The following KCNQ5 variants were observed in gnomAD, a reference collection of about 807,000 sequenced individuals.
KCNQ5 encodes the protein potassium voltage-gated channel subfamily KQT member 5.
A neutral mutation model predicts 98.2 loss-of-function variants in KCNQ5; 30 were observed. The observed-to-expected ratio is 0.31, with a 90% CI of 0.23 to 0.41. The LOEUF is 0.41. KCNQ5 is among the 10% of genes least tolerant of loss of function. The pLI, the probability that KCNQ5 is intolerant of heterozygous loss-of-function variation, is 1.00. For missense variants in KCNQ5, 835 were observed against 1,182.5 expected, an observed-to-expected ratio of 0.71 and a Z score of 4.31; for synonymous variants, 458 against 449.4, an observed-to-expected ratio of 1.02 and a Z score of -0.24.
intron 7 of KCNQ5, among the ~76,000 whole-genome samples, chr6:73,116,221 A>T (rs1391555892): frequency 6.6e-6 from 1 of 152,208 alleles, no homozygotes; most frequent in Non-Finnish European, 1.5e-5. Flanking sequence ...AACTTAGCTA[A>T]GAATTGTGAT....
intron 1 of KCNQ5, among the ~76,000 whole-genome samples, chr6:72,820,412 T>C (rs1329840038): frequency 1.3e-5 from 2 of 152,030 alleles, no homozygotes; most frequent in East Asian, 3.8e-4. Flanking sequence ...GCAGGCAGGG[T>C]GAAATATTGA....
In KCNQ5 at chr6:72,716,597, T is replaced by C. The variant is rs542244106; in HGVS notation, c.398+94010T>C. On this transcript the variant is annotated intron_variant, in intron 1 of 13. Coordinates refer to ENST00000370398, the MANE Select transcript of KCNQ5 (RefSeq NM_019842.4). ...TGGGTACCATATTTTGTACAGAAGATTGAATTTTTTCTTTTTACACAGGTA... is the reference window on the plus strand; with the variant it reads ...TGGGTACCATATTTTGTACAGAAGACTGAATTTTTTCTTTTTACACAGGTA... 2.4e-3 allele frequency among the ~76,000 whole-genome samples: 366 copies of C among 152,334 alleles called. 2 individuals carry two copies. Among genetic ancestry groups the C allele is most frequent in the African/African-American group, 8.4e-3 (351 of 41,588 alleles).
chr6:72,696,586 C>A (rs1768514871), intron 1 of KCNQ5, among the ~76,000 whole-genome samples: 1 of 151,832 alleles, frequency 6.6e-6, no homozygotes, highest in African/African-American at 2.4e-5. Flanking sequence ...TGCTGAGTGG[C>A]AACTCTTTAT....
chr6:73,095,225 C>A lies in KCNQ5; in HGVS notation c.919-10032C>A, dbSNP rs111929284. Reference sequence around the variant, plus strand: ...TGTTCAATTCTATTGCTGAGACTTTCCAGAGCATTTTGCATTTCTATAAGG... The same window carrying A: ...TGTTCAATTCTATTGCTGAGACTTTACAGAGCATTTTGCATTTCTATAAGG... On this transcript the variant is annotated intron_variant, in intron 5 of 13. Transcript: ENST00000370398. Among the ~76,000 whole-genome samples, 259 of 152,212 alleles carry A rather than the reference C, an allele frequency of 1.7e-3. 1 individual carries two copies. Among genetic ancestry groups the A allele is most frequent in the African/African-American group, 5.7e-3 (237 of 41,512 alleles).
Position 73,059,704 on chromosome 6 carries a change from T to A in KCNQ5, c.617-17618T>A, listed in dbSNP as rs536089090. 3.9e-5 allele frequency among the ~76,000 whole-genome samples: 6 copies of A among 152,192 alleles called. No individual in the cohort carries two copies. The South Asian group carries it at 8.3e-4, about 21-fold the overall frequency. On this transcript the variant is annotated intron_variant, in intron 3 of 13. Transcript: ENST00000370398. ...TGCTTTTTCTGTTTTTCTATGAAAA[T>A]TTTTTTAACAAGCAGAAGTTAACGA...
intron 1 of KCNQ5, among the ~76,000 whole-genome samples, chr6:72,942,628 C>T (rs1015663572): frequency 6.6e-6 from 1 of 152,172 alleles, no homozygotes; most frequent in Non-Finnish European, 1.5e-5. Flanking sequence ...AGAAGTGAAG[C>T]TTCAAAAATA....
At position 73,077,278 on chromosome 6, in the gene KCNQ5, T is replaced by G. The variant is rs1773577922; in HGVS notation, c.617-44T>G. On this transcript the variant is annotated intron_variant, in intron 3 of 13. Coordinates refer to ENST00000370398, the MANE Select transcript of KCNQ5 (RefSeq NM_019842.4). The stretch of plus-strand genomic sequence containing the variant: ...AAATATTGTTTTGGTAAATAAAAAT[T>G]CCTGGTCGTGCTAACTGTGGCTATT... 1.9e-6 allele frequency: 3 copies of G among 1,564,510 alleles called. No homozygotes were observed. In the African/African-American group the frequency reaches 4.1e-5, roughly 21 times the overall value.
At chr6:72,944,031 C>G (rs1447186604) in intron 1 of KCNQ5, among the ~76,000 whole-genome samples, 1 of 152,128 alleles carries the variant, frequency 6.6e-6, no homozygotes, top group Non-Finnish European at 1.5e-5. Context: ...GAATTTAGAC[C>G]CAGAATGTTT....
chr6:72,886,601 T>G (rs757509080), intron 1 of KCNQ5, among the ~76,000 whole-genome samples: 6 of 152,020 alleles, frequency 3.9e-5, no homozygotes, highest in Non-Finnish European at 8.8e-5. Flanking sequence ...TATTCCAAAG[T>G]GGAGTAATAA....
chr6:73,156,281 T>A (rs995907738), intron 10 of KCNQ5, among the ~76,000 whole-genome samples: 1 of 152,242 alleles, frequency 6.6e-6, no homozygotes, highest in Non-Finnish European at 1.5e-5. Context: ...TTAATATGTG[T>A]TCCCCATAGC....
chr6:72,979,921 A>G (rs1381099474), intron 1 of KCNQ5, among the ~76,000 whole-genome samples: 8 of 152,198 alleles, frequency 5.3e-5, no homozygotes, highest in African/African-American at 1.9e-4. Flanking sequence ...AGCACCATTT[A>G]TTAAATAGGG....
At chr6:72,772,241 A>G (rs1452064195) in intron 1 of KCNQ5, among the ~76,000 whole-genome samples, 2 of 152,126 alleles carry the variant, frequency 1.3e-5, no homozygotes, top group African/African-American at 4.8e-5. Context: ...CATCGATGCA[A>G]AAGATCACAT....
intron 5 of KCNQ5, among the ~76,000 whole-genome samples, chr6:73,085,223 G>A (rs1483300431): frequency 2.0e-5 from 3 of 152,152 alleles, no homozygotes; most frequent in Admixed American, 2.0e-4. Context: ...TTTATTGTAA[G>A]CACATCTTAA....
chr6:72,760,694 A>G (rs990047245), intron 1 of KCNQ5, among the ~76,000 whole-genome samples: 4 of 152,062 alleles, frequency 2.6e-5, no homozygotes, highest in Non-Finnish European at 5.9e-5. Context: ...TTCACTGGTT[A>G]TTGGTTAAAA....
chr6:72,943,340 G>C (rs909823889), intron 1 of KCNQ5, among the ~76,000 whole-genome samples: 1 of 152,118 alleles, frequency 6.6e-6, no homozygotes, highest in African/African-American at 2.4e-5. Context: ...ATGCAAAGCT[G>C]GTCTCTCTGT....
intron 1 of KCNQ5, among the ~76,000 whole-genome samples, chr6:72,693,139 G>A (rs1172906226): frequency 6.6e-6 from 1 of 152,118 alleles, no homozygotes; most frequent in Non-Finnish European, 1.5e-5. Flanking sequence ...AAAGCCATAG[G>A]AAATGGGTGG....
intron 1 of KCNQ5, among the ~76,000 whole-genome samples, chr6:72,756,290 T>G (rs1438145333): frequency 1.3e-5 from 2 of 152,166 alleles, no homozygotes; most frequent in African/African-American, 4.8e-5. Context: ...AGTAGTAATT[T>G]TGTACATCTT....
intron 2 of KCNQ5, among the ~76,000 whole-genome samples, chr6:73,037,158 G>A (rs1302730044): frequency 6.6e-6 from 1 of 152,110 alleles, no homozygotes; most frequent in East Asian, 1.9e-4. Flanking sequence ...CTTCTTTTAT[G>A]TATGTCCTCT....
chr6:73,017,090 A>G (rs1770378651), intron 2 of KCNQ5, among the ~76,000 whole-genome samples: 1 of 152,114 alleles, frequency 6.6e-6, no homozygotes, highest in Non-Finnish European at 1.5e-5. Flanking sequence ...TAACTCAAAT[A>G]TATATTAAAT....
Sources: allele counts gnomAD v4.1 joint callset (sites outside exome capture counted in the v4.1 genomes callset), GRCh38; gene constraint gnomAD v4.1.1; transcripts MANE v1.5; gene names NCBI Gene and HGNC (gene_info 2026-07-23, HGNC 2026-07-21).